The following SLC4A10 variants were observed in gnomAD, a reference collection of about 807,000 sequenced individuals.
The protein encoded by SLC4A10 is sodium-driven chloride bicarbonate exchanger.
A neutral mutation model predicts 137.7 loss-of-function variants in SLC4A10; 42 were observed. The observed-to-expected ratio is 0.30, with a 90% CI of 0.24 to 0.39. SLC4A10 has a LOEUF of 0.39. Among genes scored for constraint, SLC4A10 ranks in the 10% least tolerant of loss-of-function variants. The pLI is 1.00. For synonymous variants in SLC4A10, 474 were observed against 464.1 expected, an observed-to-expected ratio of 1.02 and a Z score of -0.27; for missense variants, 925 against 1,355.0, an observed-to-expected ratio of 0.68 and a Z score of 4.98.
intron 15 of SLC4A10, among the ~76,000 whole-genome samples, chr2:161,928,497 A>T (rs894148391): frequency 2.0e-5 from 3 of 151,434 alleles, no homozygotes; most frequent in Admixed American, 6.6e-5. Context: ...CATTGTGTAC[A>T]TGTACCCTAA....
At chr2:161,651,475 T>C (rs2036785212) in intron 1 of SLC4A10, among the ~76,000 whole-genome samples, 2 of 152,186 alleles carry the variant, frequency 1.3e-5, no homozygotes, top group Admixed American at 1.3e-4. Flanking sequence ...CCCCCCTGCT[T>C]GCCATGTTGC....
At chr2:161,906,829 CG>C (rs1326395109) in intron 15 of SLC4A10, among the ~76,000 whole-genome samples, 1 of 151,874 alleles carries the variant, frequency 6.6e-6, no homozygotes, top group Non-Finnish European at 1.5e-5. Context: ...CCGAGGCGGG[CG>C]GATCACGAGG....
At chr2:161,697,403 T>TATA (rs1182073802) in intron 1 of SLC4A10, among the ~76,000 whole-genome samples, 1 of 152,130 alleles carries the variant, frequency 6.6e-6, no homozygotes, top group Non-Finnish European at 1.5e-5. Flanking sequence ...TGAATGGTAT[T>TATA]GCCTGGGTTT....
At chr2:161,935,314 G>A (rs1199779837) in intron 15 of SLC4A10, among the ~76,000 whole-genome samples, 1 of 152,070 alleles carries the variant, frequency 6.6e-6, no homozygotes, top group Non-Finnish European at 1.5e-5. Flanking sequence ...GTTTGATATT[G>A]TGATACTTCC....
intron 15 of SLC4A10, among the ~76,000 whole-genome samples, chr2:161,923,811 A>G (rs941749031): frequency 6.6e-6 from 1 of 152,038 alleles, no homozygotes. Flanking sequence ...GTACCCTAAA[A>G]CTTAAAGTAT....
chr2:161,818,291 T>G (rs182437254), intron 3 of SLC4A10, among the ~76,000 whole-genome samples: 10 of 152,304 alleles, frequency 6.6e-5, no homozygotes, highest in Admixed American at 5.9e-4. Context: ...TGTCTGTTAT[T>G]GGTGTATAAG....
At chr2:161,948,605 G>A (rs1283492126) in intron 17 of SLC4A10, among the ~76,000 whole-genome samples, 1 of 151,982 alleles carries the variant, frequency 6.6e-6, no homozygotes, top group East Asian at 1.9e-4. Context: ...ATGAGAAATG[G>A]CTTTAAAAAT....
At chr2:161,861,100 A>G (rs1033520867) in intron 5 of SLC4A10, among the ~76,000 whole-genome samples, 5 of 152,182 alleles carry the variant, frequency 3.3e-5, no homozygotes, top group African/African-American at 9.7e-5. Context: ...TACAATGCCT[A>G]AAATATTTGT....
chr2:161,633,780 T>G (rs73007047), intron 1 of SLC4A10, among the ~76,000 whole-genome samples: 251 of 151,916 alleles, frequency 1.7e-3, no homozygotes, highest in African/African-American at 5.5e-3. Flanking sequence ...GTCAATGATA[T>G]AAATTGATAA....
intron 6 of SLC4A10, among the ~76,000 whole-genome samples, chr2:161,864,355 A>G (rs1237627700): frequency 1.3e-5 from 2 of 152,196 alleles, no homozygotes; most frequent in African/African-American, 4.8e-5. Context: ...CAAAAGCTTC[A>G]GAGATGCCTT....
intron 1 of SLC4A10, among the ~76,000 whole-genome samples, chr2:161,702,767 C>T (rs531500855): frequency 8.8e-4 from 133 of 151,854 alleles, no homozygotes; most frequent in Middle Eastern, 3.4e-3. Context: ...TTAATAACTT[C>T]TATTCAAAGA....
intron 1 of SLC4A10, among the ~76,000 whole-genome samples, chr2:161,711,730 G>C (rs1041989902): frequency 2.6e-5 from 4 of 151,738 alleles, no homozygotes; most frequent in African/African-American, 7.3e-5. Context: ...GCAGTAAGAG[G>C]CTTGTGCAAT....
chr2:161,959,020 A>T (rs1056825226), intron 21 of SLC4A10, among the ~76,000 whole-genome samples: 1 of 152,178 alleles, frequency 6.6e-6, no homozygotes, highest in Non-Finnish European at 1.5e-5. Context: ...ATTCACTGAA[A>T]ATTGATAATT....
intron 7 of SLC4A10, among the ~76,000 whole-genome samples, 173 bp downstream of exon 7, chr2:161,872,557 CAAA>C (rs5835886): frequency 1.6e-4 from 21 of 128,910 alleles, no homozygotes; most frequent in South Asian, 5.0e-4. Context: ...TTTGCCTATT[CAAA>C]AAAAAAAAAA....
At chr2:161,764,719 T>G (rs2050610152) in intron 1 of SLC4A10, among the ~76,000 whole-genome samples, 1 of 152,086 alleles carries the variant, frequency 6.6e-6, no homozygotes, top group Admixed American at 6.6e-5. Flanking sequence ...ATGTGAACAT[T>G]GTAACAATGA....
chr2:161,734,644 C>G (rs184308380), intron 1 of SLC4A10, among the ~76,000 whole-genome samples: 1 of 151,960 alleles, frequency 6.6e-6, no homozygotes, highest in African/African-American at 2.4e-5. Flanking sequence ...AACTTTTAAA[C>G]GAGACACAAT....
At chr2:161,795,624 A>G (rs1367574411) in intron 2 of SLC4A10, among the ~76,000 whole-genome samples, 1 of 152,134 alleles carries the variant, frequency 6.6e-6, no homozygotes, top group Non-Finnish European at 1.5e-5. Context: ...TTTTAAGTAT[A>G]CAATGCAGTA....
In SLC4A10 at chr2:161,875,478, C is replaced by A. The variant is rs367566703; in HGVS notation, c.948+1473C>A. On this transcript the variant is annotated intron_variant, in intron 8 of 26. Transcript: ENST00000446997. The stretch of plus-strand genomic sequence containing the variant: ...CTACATTCAACCTACATATTTGTAA[C>A]CCTTCCAGTGGATAGACGTATCAAA... Among the ~76,000 whole-genome samples, 25 of 152,252 alleles carry A rather than the reference C, an allele frequency of 1.6e-4. 1 individual carries two copies. Among genetic ancestry groups the A allele is most frequent in the East Asian group, 1.5e-3 (8 of 5,178 alleles).
At chr2:161,637,202 AAGAGAG>A (rs1232132481) in intron 1 of SLC4A10, among the ~76,000 whole-genome samples, 1 of 147,230 alleles carries the variant, frequency 6.8e-6, no homozygotes, top group Non-Finnish European at 1.5e-5. Context: ...GAGAGAGAGA[AAGAGAG>A]AGAGAGAGAG....
Sources: gnomAD v4.1 joint callset for allele counts (sites outside exome capture counted in the v4.1 genomes callset) on GRCh38, gnomAD v4.1.1 for gene constraint, MANE v1.5 for transcripts, NCBI Gene and HGNC (gene_info 2026-07-23, HGNC 2026-07-21) for gene names.